CAPS2: variants seen among roughly 807,000 people sequenced by gnomAD.
CAPS2 encodes calcyphosin-2.
In CAPS2, 98 loss-of-function variants were observed where a neutral mutation model predicts 86.5. The observed-to-expected ratio is 1.13, with a 90% CI of 0.96 to 1.34. CAPS2 has a LOEUF of 1.34. Among genes scored for constraint, CAPS2 ranks in the 40% most tolerant of loss-of-function variants. The pLI is 0.00. For missense variants in CAPS2, 729 were observed against 686.8 expected (o/e 1.06, Z -0.69); for synonymous variants, 210 against 225.1 (o/e 0.93, Z 0.60).
chr12:75,296,239 G>GT (rs2036849652), intron 11 of CAPS2, among the ~76,000 whole-genome samples: 1 of 151,972 alleles, frequency 6.6e-6, no homozygotes, highest in African/African-American at 2.4e-5. Flanking sequence ...GTGCCTAAGG[G>GT]TACAGTCTGT....
chr12:75,380,906 T>C (rs2139806573), intron 1 of CAPS2, among the ~76,000 whole-genome samples: 1 of 152,286 alleles, frequency 6.6e-6, no homozygotes, highest in East Asian at 1.9e-4. Context: ...TTACAGGAAG[T>C]TGTTTCAAAC....
upstream of CAPS2, among the ~76,000 whole-genome samples, chr12:75,331,730 A>AT (rs1390058192): frequency 6.6e-5 from 10 of 151,624 alleles, no homozygotes; most frequent in Non-Finnish European, 1.5e-4. Flanking sequence ...CGCCCGGCTA[A>AT]TTTTTTGTAT....
exon 1 of CAPS2, chr12:75,390,878 C>T: frequency 1.4e-6 from 1 of 692,710 alleles, no homozygotes; most frequent in Non-Finnish European, 2.7e-6. Context: ...CATCTATTAC[C>T]AGCTTTCTTC....
intron 15 of CAPS2, among the ~76,000 whole-genome samples, chr12:75,284,404 T>C (rs183543743): frequency 1.2e-3 from 178 of 152,288 alleles, no homozygotes; most frequent in Admixed American, 3.3e-3. Context: ...AAGTAATACA[T>C]AGCTTCCTAT....
Position 75,299,918 on chromosome 12 carries a change from A to G in CAPS2, c.780-7T>C. The G allele has an allele frequency of 8.0e-7, 1 of 1,251,820 alleles. No individual in the cohort carries two copies. Among genetic ancestry groups the G allele is most frequent in the South Asian group, 1.7e-5 (1 of 59,068 alleles). 77.5% of individuals were successfully genotyped at this position (1,251,820 alleles called of 1,614,324 possible). A position where few individuals can be genotyped will look rare whatever the true frequency, so the allele number is the denominator to read the frequency against. On this transcript the variant is annotated splice_polypyrimidine_tract_variant and splice_region_variant and intron_variant, in intron 8 of 16. Coordinates refer to ENST00000393284, the Ensembl canonical transcript of CAPS2. ...TGTAGAATGAGTTCTTATCCTGTTAAGAAATACATTTTGTCAGTAATTTTT... is the reference window on the plus strand; with the variant it reads ...TGTAGAATGAGTTCTTATCCTGTTAGGAAATACATTTTGTCAGTAATTTTT...
At chr12:75,332,387 C>T (rs2041392689), upstream of CAPS2, among the ~76,000 whole-genome samples, 1 of 152,168 alleles carries the variant, frequency 6.6e-6, no homozygotes, top group Non-Finnish European at 1.5e-5. Context: ...TCACTGAGTA[C>T]CTACTACTTG....
chr12:75,334,606 C>G (rs573280230), upstream of CAPS2: 7 of 1,482,242 alleles, frequency 4.7e-6, no homozygotes, highest in African/African-American at 5.6e-5. Flanking sequence ...GCGCTGGGCT[C>G]GAGCCTGTGC....
chr12:75,388,918 C>T (rs1263759765), intron 1 of CAPS2, among the ~76,000 whole-genome samples: 1 of 152,004 alleles, frequency 6.6e-6, no homozygotes, highest in Non-Finnish European at 1.5e-5. Context: ...CTGTACCTTC[C>T]TCTCAGTTTT....
chr12:75,297,939 C>A (rs1399589933), intron 11 of CAPS2, among the ~76,000 whole-genome samples: 1 of 152,082 alleles, frequency 6.6e-6, no homozygotes, highest in Non-Finnish European at 1.5e-5. Flanking sequence ...TAGGCCATCA[C>A]CCCTCCTATC....
rs1473431955 is a variant in CAPS2 at position 75,282,234 on chromosome 12, T to C, written c.1612+17A>G. Reference sequence around the variant, plus strand: ...AACATTTTCAAAGTCCAATGCATTTTAACTCCGAATAATTACCTGAAATTA... The same window carrying C: ...AACATTTTCAAAGTCCAATGCATTTCAACTCCGAATAATTACCTGAAATTA... On this transcript the variant is annotated intron_variant, in intron 16 of 16. Transcript: ENST00000393284. The C allele has an allele frequency of 1.5e-6, 2 of 1,326,652 alleles. No individual in the cohort carries two copies. The allele number at this position is 1,326,652 out of a possible 1,614,324, so 82.2% of individuals were successfully genotyped here. A position where few individuals can be genotyped will look rare whatever the true frequency, so the allele number is the denominator to read the frequency against.
intron 1 of CAPS2, among the ~76,000 whole-genome samples, chr12:75,390,079 A>G (rs947095194): frequency 2.0e-5 from 3 of 152,182 alleles, no homozygotes; most frequent in Non-Finnish European, 2.9e-5. Context: ...TTCTCTCCCA[A>G]TGTCAATTTT....
intron 14 of CAPS2, 24 bp from the exon 15 acceptor site, chr12:75,285,104 T>C (rs778533685): frequency 3.1e-6 from 5 of 1,597,918 alleles, no homozygotes; most frequent in Middle Eastern, 1.7e-4. Context: ...GAGATAACTG[T>C]TGCATTTTTA....
intron 16 of CAPS2, among the ~76,000 whole-genome samples, chr12:75,279,817 G>C (rs2033583814): frequency 6.6e-6 from 1 of 152,036 alleles, no homozygotes; most frequent in African/African-American, 2.4e-5. Flanking sequence ...GTTAGTCAAG[G>C]CTAAAAATTA....
chr12:75,375,348 C>A (rs1025486965), intron 1 of CAPS2, among the ~76,000 whole-genome samples: 3 of 152,070 alleles, frequency 2.0e-5, no homozygotes, highest in African/African-American at 7.2e-5. Context: ...GTTTTGGATC[C>A]CCGGGAATCA....
intron 8 of CAPS2, among the ~76,000 whole-genome samples, chr12:75,302,649 TG>T (rs1379218724): frequency 1.3e-5 from 2 of 152,080 alleles, no homozygotes; most frequent in East Asian, 3.9e-4. Context: ...CAAATATAGT[TG>T]AAAAAGGATT....
intron 1 of CAPS2, among the ~76,000 whole-genome samples, chr12:75,335,194 T>C (rs2041641685): frequency 6.6e-6 from 1 of 152,062 alleles, no homozygotes; most frequent in Non-Finnish European, 1.5e-5. Context: ...GAACACAGGA[T>C]TATTTTGTTT....
chr12:75,326,281 G>T (rs2040774709), intron 1 of CAPS2, 137 bp downstream of exon 2: 4 of 421,262 alleles, frequency 9.5e-6, no homozygotes, highest in African/African-American at 8.0e-5. Flanking sequence ...TTCAATTTTG[G>T]TGGTTCCATT....
rs74108703 is a variant in CAPS2, at chr12:75,298,018, A to C, written c.1044+669T>G. On this transcript the variant is annotated intron_variant, in intron 11 of 16. Transcript: ENST00000393284. Reference sequence around the variant, plus strand: ...GTCTCCTATTAGACTGCCAGCTCCAAAAAAGCAGGGAATGAGTCTAACTTA... The same window carrying C: ...GTCTCCTATTAGACTGCCAGCTCCACAAAAGCAGGGAATGAGTCTAACTTA... Among the ~76,000 whole-genome samples, 1,286 of 152,260 alleles carry C rather than the reference A, an allele frequency of 8.4e-3. 20 individuals are homozygous for C. Among genetic ancestry groups the C allele is most frequent in the African/African-American group, 0.029 (1,211 of 41,560 alleles).
exon 17 of CAPS2, chr12:75,278,916 T>C (rs141562239): frequency 6.3e-7 from 1 of 1,594,370 alleles, no homozygotes; most frequent in African/African-American, 1.4e-5. Flanking sequence ...GTACGTAAGA[T>C]GTTAACAAAG....
Sources: allele counts gnomAD v4.1 joint callset (sites outside exome capture counted in the v4.1 genomes callset), GRCh38; gene constraint gnomAD v4.1.1; transcripts MANE v1.5; gene names NCBI Gene and HGNC (gene_info 2026-07-23, HGNC 2026-07-21).